CYP4F11: variants seen among roughly 807,000 people sequenced by gnomAD.
CYP4F11 encodes cytochrome P450 4F11.
A neutral mutation model predicts 62.2 loss-of-function variants in CYP4F11; 79 were observed. The ratio of observed to expected loss-of-function variants is 1.27; its 90% CI spans 1.06 to 1.53. The LOEUF (loss-of-function observed/expected upper bound fraction) is 1.53, where lower values mean the gene tolerates loss of function less well. Among genes scored for constraint, CYP4F11 ranks in the 40% most tolerant of loss-of-function variants. The pLI is 0.00. For missense variants in CYP4F11, 777 were observed against 680.5 expected, an observed-to-expected ratio of 1.14 and a Z score of -1.58; for synonymous variants, 290 against 263.7, an observed-to-expected ratio of 1.10 and a Z score of -0.97.
chr19:15,917,573 A>C (rs755824951), intron 8 of CYP4F11, among the ~76,000 whole-genome samples: 2 of 152,186 alleles, frequency 1.3e-5, no homozygotes, highest in Non-Finnish European at 2.9e-5. Context: ...AGGAAGCCCC[A>C]CAAAACCCTG....
At position 15,912,697 on chromosome 19, in the gene CYP4F11, ATGTGTGTGTGTGTGTGTG is replaced by A. The variant is rs1157362352; in HGVS notation, c.*1017_*1034del. On this transcript the variant is annotated 3_prime_UTR_variant, in exon 12 of 12. Transcript: ENST00000402119. The stretch of plus-strand genomic sequence containing the variant: ...AAAAAAAAAATATATATATATATAT[ATGTGTGTGTGTGTGTGTG>A]TGTGTGTGTGTGTGTGTGTATATGT... 6.9e-5 allele frequency: 5 copies of A among 72,698 alleles called. No homozygotes were observed. Among genetic ancestry groups the A allele is most frequent in the Admixed American group, 3.9e-4 (2 of 5,178 alleles). 4.5% of individuals were successfully genotyped at this position (72,698 alleles called of 1,614,324 possible).
intron 8 of CYP4F11, among the ~76,000 whole-genome samples, chr19:15,921,575 G>C (rs2145044924): frequency 6.6e-6 from 1 of 152,314 alleles, no homozygotes; most frequent in South Asian, 2.1e-4. Flanking sequence ...ATACAGTGTA[G>C]GAGCATTTGC....
At chr19:15,919,471 TATAGATAGATAGATAGATAG>T (rs3056072) in intron 8 of CYP4F11, among the ~76,000 whole-genome samples, 18,663 of 136,584 alleles carry the variant, frequency 0.14, 1,351 homozygotes, top group South Asian at 0.3. Context: ...TGGACAGATG[TATAGATAGATAGATAGATAG>T]ATAGATAGAT....
chr19:15,924,496 AC>A (rs2089654053), intron 5 of CYP4F11, among the ~76,000 whole-genome samples: 1 of 152,092 alleles, frequency 6.6e-6, no homozygotes, highest in South Asian at 2.1e-4. Context: ...CATCGGCCCA[AC>A]CCTCTTCAAA....
intron 1 of CYP4F11, among the ~76,000 whole-genome samples, chr19:15,930,361 TG>T (rs1265560626): frequency 6.6e-6 from 1 of 152,030 alleles, no homozygotes; most frequent in Non-Finnish European, 1.5e-5. Flanking sequence ...GAGGCCATGG[TG>T]GGTGGATCAC....
chr19:15,913,602 A>T lies in CYP4F11; in HGVS notation c.*130T>A, dbSNP rs2089554772. On this transcript the variant is annotated 3_prime_UTR_variant, in exon 12 of 12. Coordinates refer to ENST00000402119, the MANE Select transcript of CYP4F11 (RefSeq NM_021187.4). ...CAGAGACGTCACCCTGCCTCCACCC[A>T]CTCACCTCCCTTTCTTAGATCCCAC... The T allele has an allele frequency of 1.6e-6, 2 of 1,223,188 alleles. No homozygotes were observed. The highest frequency in any genetic ancestry group is 2.3e-6 in the Non-Finnish European group (2 of 873,586). The allele number at this position is 1,223,188 out of a possible 1,614,324, so 75.8% of individuals were successfully genotyped here.
rs750574080 is a variant in CYP4F11, at chr19:15,934,259, A to G, written c.150T>C (p.Cys50=). 5 of 1,613,660 alleles carry G rather than the reference A, an allele frequency of 3.1e-6. No individual in the cohort carries two copies. The highest frequency in any genetic ancestry group is 4.2e-6 in the Non-Finnish European group (5 of 1,179,760). The stretch of plus-strand genomic sequence containing the variant: ...AGTTCTGTTTCGGGGGTTGAGGAAA[A>G]CACTGGAGGCGGCGGCAGTTGTCAT... ...TFYDNCRRLQ[C]FPQPPKQNWF... Residue 50 remains cysteine (C), a synonymous_variant, in exon 1 of 12, where the codon TGT becomes TGC. Transcript: ENST00000402119.
At chr19:15,922,305 TA>T in intron 7 of CYP4F11, 58 bp downstream of exon 7, 2 of 1,609,118 alleles carry the variant, frequency 1.2e-6, no homozygotes, top group Non-Finnish European at 1.7e-6. Context: ...GTCCACCCAC[TA>T]CGTTCCTGGG....
Position 15,923,878 on chromosome 19 carries a change from A to T in CYP4F11, c.852T>A (p.Asp284Glu). ...ACTTTGCCTTGTTCTTGAGGAAATC[A>T]TCAATACCCTGAGTGGGGAGGGTGC... is the stretch of plus-strand genomic sequence containing the variant. Reference protein sequence around the residue: ...RRCTLPTQGIDDFLKNKAKSK... With the variant: ...RRCTLPTQGIEDFLKNKAKSK... The change falls in exon 6 of 12, where the codon GAT (aspartate) becomes GAA (glutamate). Residue 284 changes from aspartate to glutamate, a missense_variant. Coordinates refer to ENST00000402119, the MANE Select transcript of CYP4F11 (RefSeq NM_021187.4). 1 of 1,614,212 alleles carries T rather than the reference A, an allele frequency of 6.2e-7. No individual in the cohort carries two copies. The highest frequency in any genetic ancestry group is 1.1e-5 in the South Asian group (1 of 91,088).
At chr19:15,925,284 C>G (rs59445135) in intron 4 of CYP4F11, among the ~76,000 whole-genome samples, 2,557 of 152,220 alleles carry the variant, frequency 0.017, 63 homozygotes, top group African/African-American at 0.057. Flanking sequence ...ACTCCCTAAT[C>G]TCTCTGGACC....
At chr19:15,917,883 C>A (rs889618655) in intron 8 of CYP4F11, among the ~76,000 whole-genome samples, 3 of 152,064 alleles carry the variant, frequency 2.0e-5, no homozygotes, top group Non-Finnish European at 2.9e-5. Context: ...TGTGGTGAGT[C>A]CTCAAAGATC....
At chr19:15,929,117 T>C (rs1156718168) in intron 2 of CYP4F11, among the ~76,000 whole-genome samples, 1 of 152,184 alleles carries the variant, frequency 6.6e-6, no homozygotes, top group Non-Finnish European at 1.5e-5. Context: ...GTCACACCCA[T>C]CTCCTTCTTG....
intron 1 of CYP4F11, among the ~76,000 whole-genome samples, chr19:15,931,597 T>C: frequency 9.8e-6 from 1 of 101,620 alleles, no homozygotes; most frequent in Non-Finnish European, 2.0e-5. Flanking sequence ...GAGGAATGAG[T>C]GAGTGAGGAG....
intron 1 of CYP4F11, 49 bp downstream of exon 1, chr19:15,934,162 G>A (rs778069249): frequency 6.3e-7 from 1 of 1,598,380 alleles, no homozygotes; most frequent in East Asian, 2.2e-5. Context: ...TGCCCCTCAG[G>A]AACTCCATGC....
At chr19:15,914,570 C>G (rs2089566973) in intron 10 of CYP4F11, 32 bp downstream of exon 10, 13 of 1,612,776 alleles carry the variant, frequency 8.1e-6, no homozygotes, top group Non-Finnish European at 1.1e-5. Flanking sequence ...TTGGAATGGA[C>G]TCCAAAAAGG....
intron 8 of CYP4F11, among the ~76,000 whole-genome samples, chr19:15,919,138 T>G (rs772392035): frequency 6.7e-6 from 1 of 148,350 alleles, no homozygotes; most frequent in Non-Finnish European, 1.5e-5. Flanking sequence ...ATTTAATAAT[T>G]AGGAATATAT....
At chr19:15,925,647 C>T (rs543070459) in intron 4 of CYP4F11, among the ~76,000 whole-genome samples, 3 of 151,496 alleles carry the variant, frequency 2.0e-5, no homozygotes, top group African/African-American at 7.3e-5. Flanking sequence ...CAAACCTGCA[C>T]GTTCTGCACA....
chr19:15,927,073 C>T lies in CYP4F11; in HGVS notation c.525+139G>A, dbSNP rs973183192. ...CACCTTTTAAGTAGAGATTGTTATT[C>T]CCATTTTACAGATAGGGAAACCAAG... On this transcript the variant is annotated intron_variant, in intron 4 of 11. Transcript: ENST00000402119. 2.4e-5 allele frequency: 24 copies of T among 984,680 alleles called. No individual in the cohort carries two copies. In the Admixed American group the frequency reaches 6.7e-4, roughly 28 times the overall value. The allele number at this position is 984,680 out of a possible 1,614,324, so 61.0% of individuals were successfully genotyped here. A position where few individuals can be genotyped will look rare whatever the true frequency, so the allele number is the denominator to read the frequency against.
At chr19:15,920,005 T>A (rs186641577) in intron 8 of CYP4F11, among the ~76,000 whole-genome samples, 38 of 152,270 alleles carry the variant, frequency 2.5e-4, no homozygotes, top group Non-Finnish European at 2.2e-4. Flanking sequence ...ATCTATTATA[T>A]GCATGGTGAC....
Sources: allele counts gnomAD v4.1 joint callset (sites outside exome capture counted in the v4.1 genomes callset), GRCh38; gene constraint gnomAD v4.1.1; transcripts MANE v1.5; gene names NCBI Gene and HGNC (gene_info 2026-07-23, HGNC 2026-07-21).